The following ASTN1 variants were observed in gnomAD, a reference collection of about 807,000 sequenced individuals.
ASTN1 encodes the protein astrotactin 1, also known as astrotactin-1.
ASTN1 carries 41 observed loss-of-function variants against 140.7 expected under a neutral mutation model. That is an observed-to-expected ratio of 0.29 (90% CI 0.23 to 0.38). The LOEUF (loss-of-function observed/expected upper bound fraction) is 0.38. Ranked by LOEUF, ASTN1 falls within the 10% of genes least tolerant of loss-of-function variation. ASTN1 has a pLI of 1.00. For synonymous variants in ASTN1, 640 were observed against 652.2 expected, an observed-to-expected ratio of 0.98 and a Z score of 0.29; for missense variants, 1,479 against 1,678.8, an observed-to-expected ratio of 0.88 and a Z score of 2.08.
chr1:176,986,554 T>C (rs1012196515), intron 8 of ASTN1, among the ~76,000 whole-genome samples: 1 of 152,178 alleles, frequency 6.6e-6, no homozygotes, highest in Non-Finnish European at 1.5e-5. Flanking sequence ...GTCTATTTTT[T>C]ACTACTCTCA....
intron 1 of ASTN1, among the ~76,000 whole-genome samples, chr1:177,096,347 G>A (rs1318281735): frequency 1.3e-5 from 2 of 152,252 alleles, no homozygotes; most frequent in Non-Finnish European, 1.5e-5. Context: ...AGGACATTTG[G>A]GGGCCTAGGG....
chr1:177,042,779 C>T (rs1349846210), intron 2 of ASTN1, among the ~76,000 whole-genome samples: 6 of 152,132 alleles, frequency 3.9e-5, no homozygotes, highest in Non-Finnish European at 5.9e-5. Flanking sequence ...GTTTTATGAC[C>T]GTGTCACATA....
chr1:176,967,857 G>C (rs779663379), intron 8 of ASTN1, among the ~76,000 whole-genome samples: 4 of 152,046 alleles, frequency 2.6e-5, no homozygotes, highest in Non-Finnish European at 4.4e-5. Flanking sequence ...GTGCAGCGTA[G>C]ACCCCACCCT....
intron 16 of ASTN1, among the ~76,000 whole-genome samples, chr1:176,922,672 G>A (rs1006449613): frequency 6.6e-6 from 1 of 152,014 alleles, no homozygotes; most frequent in Non-Finnish European, 1.5e-5. Context: ...TGGCAAAGGA[G>A]GTGATCCTGA....
rs552455570 is a variant in ASTN1, at chr1:177,124,430, T to C, written c.283+39964A>G. ...TGCAGATGAATCCTCTCCCACAAAA[T>C]TCTCACCAGGAGGGATGAGATAAAG... On this transcript the variant is annotated intron_variant, in intron 1 of 22. Coordinates refer to ENST00000361833, the MANE Select transcript of ASTN1 (RefSeq NM_004319.3). Among the ~76,000 whole-genome samples, 3 of 152,260 alleles carry C rather than the reference T, an allele frequency of 2.0e-5. No individual in the cohort carries two copies. The South Asian group carries it at 6.2e-4, about 32-fold the overall frequency.
Position 176,965,110 on chromosome 1 carries a change from C to T in ASTN1, c.1598+53G>A, listed in dbSNP as rs201842025. The stretch of plus-strand genomic sequence containing the variant: ...ACTAGGAAAGTCAGTTCGGGGGAAG[C>T]GGAACACAGGGTTTGCAGACGTACA... On this transcript the variant is annotated intron_variant, in intron 9 of 22. Coordinates refer to ENST00000361833, the MANE Select transcript of ASTN1 (RefSeq NM_004319.3). The T allele has an allele frequency of 1.4e-3, 2,165 of 1,541,302 alleles. 46 individuals carry two copies. In the South Asian group the frequency reaches 0.022, roughly 16 times the overall value.
intron 1 of ASTN1, among the ~76,000 whole-genome samples, chr1:177,121,099 C>T (rs1681362035): frequency 7.1e-6 from 1 of 140,146 alleles, no homozygotes; most frequent in South Asian, 2.2e-4. Flanking sequence ...TATATATATA[C>T]ATGCACTATG....
At chr1:177,122,476 G>A (rs1034261178) in intron 1 of ASTN1, among the ~76,000 whole-genome samples, 1 of 152,106 alleles carries the variant, frequency 6.6e-6, no homozygotes, top group Admixed American at 6.5e-5. Context: ...AACTTCCAAG[G>A]TCAAGGATGC....
intron 1 of ASTN1, among the ~76,000 whole-genome samples, chr1:177,076,524 CTTT>C (rs879523656): frequency 2.2e-5 from 3 of 137,806 alleles, no homozygotes; most frequent in African/African-American, 7.9e-5. Flanking sequence ...CTTTTCTTTT[CTTT>C]TTTTTTTTTT....
intron 21 of ASTN1, among the ~76,000 whole-genome samples, chr1:176,874,737 T>C (rs1028262507): frequency 6.6e-6 from 1 of 152,176 alleles, no homozygotes. Flanking sequence ...GGTTTTTTTC[T>C]ATTTTAAATT....
intron 8 of ASTN1, among the ~76,000 whole-genome samples, chr1:176,997,545 G>GACA (rs1674512238): frequency 6.6e-6 from 1 of 151,974 alleles, no homozygotes; most frequent in South Asian, 2.1e-4. Flanking sequence ...CTCCGAGGAG[G>GACA]ACACATCACA....
intron 2 of ASTN1, among the ~76,000 whole-genome samples, chr1:177,036,649 G>A (rs1038291380): frequency 5.9e-5 from 9 of 152,000 alleles, no homozygotes; most frequent in Non-Finnish European, 1.2e-4. Flanking sequence ...TGCTCTACCT[G>A]CTTGAGCAGG....
chr1:177,148,645 C>T (rs776623800), intron 1 of ASTN1, among the ~76,000 whole-genome samples: 3 of 150,580 alleles, frequency 2.0e-5, no homozygotes, highest in Non-Finnish European at 4.4e-5. Context: ...TTTTTTAATG[C>T]ACTAGCTTTT....
At chr1:176,977,482 G>C (rs1673415191) in intron 8 of ASTN1, among the ~76,000 whole-genome samples, 1 of 152,204 alleles carries the variant, frequency 6.6e-6, no homozygotes, top group Non-Finnish European at 1.5e-5. Context: ...GCTATGGAGA[G>C]CACTGGGCTA....
chr1:177,050,340 A>G (rs1016708758), intron 2 of ASTN1, among the ~76,000 whole-genome samples: 2 of 152,188 alleles, frequency 1.3e-5, no homozygotes, highest in African/African-American at 4.8e-5. Context: ...CAAATCCCAA[A>G]TGTCAGAATT....
At chr1:177,070,288 T>C (rs867644828) in intron 1 of ASTN1, among the ~76,000 whole-genome samples, 1 of 152,172 alleles carries the variant, frequency 6.6e-6, no homozygotes, top group Non-Finnish European at 1.5e-5. Context: ...CAGTGAGAGA[T>C]CTGTTCATTC....
In ASTN1 at chr1:176,965,198, C is replaced by T. The variant is rs1672825281; in HGVS notation, c.1563G>A (p.Leu521=). 6.2e-7 allele frequency: 1 copy of T among 1,614,024 alleles called. No homozygotes were observed. Among genetic ancestry groups the T allele is most frequent in the South Asian group, 1.1e-5 (1 of 91,066 alleles). ...PYTIFQRGFD[L]VLGEQPSDKI... is the part of the protein sequence containing the mutation. The stretch of plus-strand genomic sequence containing the variant: ...TATCAGAGGGCTGCTCTCCCAAAAC[C>T]AGGTCAAAGCCTCGCTGAAATATTG... The change falls in exon 9 of 23, where the codon CTG becomes CTA. Residue 521 remains leucine (L), a synonymous_variant. Coordinates refer to ENST00000361833, the MANE Select transcript of ASTN1 (RefSeq NM_004319.3).
chr1:176,982,722 G>T (rs1004707697), intron 8 of ASTN1, among the ~76,000 whole-genome samples: 3 of 152,168 alleles, frequency 2.0e-5, no homozygotes. Flanking sequence ...ATGGCCATGG[G>T]TATGTTTTAA....
intron 17 of ASTN1, among the ~76,000 whole-genome samples, chr1:176,891,565 T>G (rs1465765377): frequency 6.6e-6 from 1 of 152,104 alleles, no homozygotes. Context: ...AGGTCGAGGC[T>G]GGCGGATCAC....
Sources: allele counts gnomAD v4.1 joint callset (sites outside exome capture counted in the v4.1 genomes callset), GRCh38; gene constraint gnomAD v4.1.1; transcripts MANE v1.5; gene names NCBI Gene and HGNC (gene_info 2026-07-23, HGNC 2026-07-21).